HS2ST1: variants seen among roughly 807,000 people sequenced by gnomAD.
HS2ST1 encodes heparan sulfate 2-O-sulfotransferase 1.
In HS2ST1, 18 loss-of-function variants were observed where a neutral mutation model predicts 42.9. That is an observed-to-expected ratio of 0.42 (90% CI 0.29 to 0.62). The LOEUF is 0.62. HS2ST1 is among the 20% of genes least tolerant of loss of function. The pLI is 0.21. For missense variants in HS2ST1, 334 were observed against 433.8 expected (o/e 0.77, Z 2.04); for synonymous variants, 146 against 152.9 (o/e 0.95, Z 0.33).
intron 1 of HS2ST1, among the ~76,000 whole-genome samples, chr1:86,929,981 A>C (rs1251263641): frequency 2.6e-5 from 4 of 151,956 alleles, no homozygotes; most frequent in Admixed American, 2.6e-4. Context: ...TGAATCTTAC[A>C]CAGCTTCAAA....
chr1:87,067,367 CT>C (rs778403084), intron 1 of HS2ST1, among the ~76,000 whole-genome samples: 32 of 152,118 alleles, frequency 2.1e-4, no homozygotes, highest in Non-Finnish European at 3.5e-4. Context: ...GCATAAATGT[CT>C]TCTTTTGAGA....
intron 1 of HS2ST1, among the ~76,000 whole-genome samples, chr1:86,970,880 A>ATAAT (rs1394068208): frequency 6.6e-6 from 1 of 152,188 alleles, no homozygotes; most frequent in Non-Finnish European, 1.5e-5. Context: ...GATATGACAA[A>ATAAT]TAATTTACAG....
intron 1 of HS2ST1, among the ~76,000 whole-genome samples, chr1:86,916,500 A>G (rs1369383704): frequency 1.3e-5 from 2 of 152,232 alleles, no homozygotes; most frequent in African/African-American, 4.8e-5. Flanking sequence ...CTTGAAAGAA[A>G]AACCATCAAG....
At chr1:86,940,883 A>G (rs1475308430) in intron 1 of HS2ST1, among the ~76,000 whole-genome samples, 1 of 152,128 alleles carries the variant, frequency 6.6e-6, no homozygotes, top group African/African-American at 2.4e-5. Context: ...GGTCCCAGCT[A>G]CTTGAGGGGC....
chr1:86,949,533 G>A (rs1272048156), intron 1 of HS2ST1, among the ~76,000 whole-genome samples: 2 of 152,280 alleles, frequency 1.3e-5, no homozygotes, highest in East Asian at 3.9e-4. Flanking sequence ...TAGAGCCACT[G>A]CACTCCACCC....
chr1:86,954,953 C>T (rs1647635375), intron 1 of HS2ST1, among the ~76,000 whole-genome samples: 2 of 152,044 alleles, frequency 1.3e-5, no homozygotes, highest in Non-Finnish European at 1.5e-5. Flanking sequence ...AAAAAATTAG[C>T]CAGGTGTGGT....
chr1:87,027,722 C>T (rs1650124720), intron 1 of HS2ST1, among the ~76,000 whole-genome samples: 1 of 152,172 alleles, frequency 6.6e-6, no homozygotes, highest in African/African-American at 2.4e-5. Context: ...CAGGGTCTCA[C>T]TGTCACCCAG....
intron 1 of HS2ST1, among the ~76,000 whole-genome samples, chr1:87,018,537 A>G (rs4623671): frequency 0.74 from 111,928 of 152,012 alleles, 42,770 homozygotes; most frequent in East Asian, 0.97. Context: ...CTAGCAGCCA[A>G]CATCTTCTGG....
intron 1 of HS2ST1, among the ~76,000 whole-genome samples, chr1:87,029,697 A>T (rs1306139514): frequency 1.3e-5 from 2 of 149,940 alleles, no homozygotes; most frequent in African/African-American, 5.1e-5. Context: ...ATCTACAGGA[A>T]TAAATACTTT....
At chr1:86,990,874 T>C (rs1465302156) in intron 1 of HS2ST1, among the ~76,000 whole-genome samples, 2 of 128,936 alleles carry the variant, frequency 1.6e-5, no homozygotes, top group East Asian at 4.6e-4. Flanking sequence ...GAGATGGGGT[T>C]TCTCCATGTT....
chr1:87,065,897 C>A (rs151203619), intron 1 of HS2ST1, among the ~76,000 whole-genome samples: 84 of 151,990 alleles, frequency 5.5e-4, no homozygotes, highest in African/African-American at 1.9e-3. Context: ...CAATGTATTT[C>A]TTTTTTATTT....
intron 1 of HS2ST1, among the ~76,000 whole-genome samples, chr1:87,012,103 G>A (rs4233338): frequency 0.9 from 137,744 of 152,226 alleles, 62,581 homozygotes; most frequent in East Asian, 0.99. Flanking sequence ...TAATGCTTAA[G>A]GTGTTCTACT....
chr1:86,995,542 A>G (rs940030453), intron 1 of HS2ST1, among the ~76,000 whole-genome samples: 2 of 152,176 alleles, frequency 1.3e-5, no homozygotes, highest in Non-Finnish European at 2.9e-5. Flanking sequence ...TAGAAATAGT[A>G]TGTTTGTCTA....
chr1:86,990,426 C>T (rs911660800), intron 1 of HS2ST1, among the ~76,000 whole-genome samples: 1 of 151,998 alleles, frequency 6.6e-6, no homozygotes, highest in African/African-American at 2.4e-5. Context: ...TTGGTTTTGC[C>T]TCTCAGATTT....
Position 87,061,678 on chromosome 1 carries a change from C to T in HS2ST1, c.125-11256C>T, listed in dbSNP as rs1057394917. Among the ~76,000 whole-genome samples the T allele has an allele frequency of 2.0e-5, 3 of 152,180 alleles. No individual in the cohort carries two copies. In the East Asian group the frequency reaches 5.8e-4, roughly 29 times the overall value. ...CATTTGGATTGTTTCTACCTTTTGG[C>T]TATAGTGAGTTAGTGCTTTAAACAT... On this transcript the variant is annotated intron_variant, in intron 1 of 6. Coordinates refer to ENST00000370550, the MANE Select transcript of HS2ST1 (RefSeq NM_012262.4).
intron 1 of HS2ST1, among the ~76,000 whole-genome samples, chr1:86,961,238 T>TAA (rs960020298): frequency 1.4e-5 from 2 of 146,612 alleles, no homozygotes; most frequent in Non-Finnish European, 3.0e-5. Flanking sequence ...CTCTGTCCAT[T>TAA]AAAAAAAAAA....
At chr1:87,098,034 A>T in intron 5 of HS2ST1, 99 bp downstream of exon 5, 1 of 1,539,792 alleles carries the variant, frequency 6.5e-7, no homozygotes, top group Non-Finnish European at 8.8e-7. Flanking sequence ...AATCGGTGAA[A>T]GACTAGACTA....
intron 1 of HS2ST1, among the ~76,000 whole-genome samples, chr1:86,929,455 C>A (rs1236557426): frequency 6.6e-6 from 1 of 151,716 alleles, no homozygotes. Flanking sequence ...TTGTTATTTG[C>A]CTCCTTAAAG....
intron 1 of HS2ST1, among the ~76,000 whole-genome samples, chr1:86,915,499 A>G (rs1316319275): frequency 6.6e-6 from 1 of 152,168 alleles, no homozygotes; most frequent in Non-Finnish European, 1.5e-5. Flanking sequence ...CGGAGACAGA[A>G]GCGCTTAGCA....
Sources: gnomAD v4.1 joint callset for allele counts (sites outside exome capture counted in the v4.1 genomes callset) on GRCh38, gnomAD v4.1.1 for gene constraint, MANE v1.5 for transcripts, NCBI Gene and HGNC (gene_info 2026-07-23, HGNC 2026-07-21) for gene names.